The following TRAP1 variants were observed in gnomAD, a reference collection of about 807,000 sequenced individuals.
The protein encoded by TRAP1 is TNF receptor associated protein 1.
A neutral mutation model predicts 89.1 loss-of-function variants in TRAP1; 102 were observed. That is an observed-to-expected ratio of 1.15 (90% confidence interval 0.98 to 1.35). The LOEUF is 1.35. Among genes scored for constraint, TRAP1 ranks in the 40% most tolerant of loss-of-function variants. The pLI, the probability that TRAP1 is intolerant of heterozygous loss-of-function variation, is 0.00. For synonymous variants in TRAP1, 508 were observed against 388.0 expected (o/e 1.31, Z -3.64); for missense variants, 1,256 against 945.3 (o/e 1.33, Z -4.31).
intron 10 of TRAP1, among the ~76,000 whole-genome samples, chr16:3,672,162 C>A (rs563371780): frequency 1.3e-5 from 2 of 152,052 alleles, no homozygotes; most frequent in Admixed American, 6.6e-5. Context: ...ATGGTGAAAC[C>A]CCATCTCTAC....
At chr16:3,702,928 G>C (rs1182796489) in intron 1 of TRAP1, among the ~76,000 whole-genome samples, 2 of 150,648 alleles carry the variant, frequency 1.3e-5, no homozygotes, top group East Asian at 3.9e-4. Flanking sequence ...TGTAATCCCA[G>C]CTACTTGGGA....
Position 3,662,940 on chromosome 16 carries a change from G to T in TRAP1, c.1736C>A (p.Thr579Lys). Residue 579 changes from threonine to lysine, a missense_variant, in exon 15 of 18, where the codon ACG (threonine) becomes AAG (lysine). Thr to Lys is a moderately conservative substitution (Grantham distance 78). Transcript: ENST00000246957. ...TCTCATCCAGGCCATGAGCTCCTCCGTCTCCTTCTCTGATAGGCACTCGGC... is the reference window on the plus strand; with the variant it reads ...TCTCATCCAGGCCATGAGCTCCTCCTTCTCCTTCTCTGATAGGCACTCGGC... ...PAAECLSEKE[T>K]EELMAWMRNV... 6.2e-7 allele frequency: 1 copy of T among 1,612,400 alleles called. No homozygotes were observed. Among genetic ancestry groups the T allele is most frequent in the Non-Finnish European group, 8.5e-7 (1 of 1,179,970 alleles).
chr16:3,662,201 A>G, intron 15 of TRAP1, 69 bp from the exon 16 acceptor site: 4 of 1,552,434 alleles, frequency 2.6e-6, no homozygotes, highest in Non-Finnish European at 3.5e-6. Context: ...GGATCTTACC[A>G]GGGGTGAAGG....
intron 1 of TRAP1, among the ~76,000 whole-genome samples, chr16:3,700,218 A>C (rs2051346800): frequency 6.6e-6 from 1 of 151,222 alleles, no homozygotes; most frequent in Admixed American, 6.6e-5. Context: ...CCCAGGCTGG[A>C]GTGCAATGGC....
chr16:3,692,997 G>A (rs540259706), intron 1 of TRAP1, among the ~76,000 whole-genome samples: 1 of 151,034 alleles, frequency 6.6e-6, no homozygotes. Context: ...TCGCTCTGTC[G>A]CCCAGGCTGG....
chr16:3,661,979 G>T lies in TRAP1; in HGVS notation c.1940+8C>A. 1 of 1,596,430 alleles carries T rather than the reference G, an allele frequency of 6.3e-7. No homozygotes were observed. The highest frequency in any genetic ancestry group is 1.3e-5 in the African/African-American group (1 of 74,722). The stretch of plus-strand genomic sequence containing the variant: ...CACAGGCTGGAAGAGCCAGGAGCGT[G>T]GCCTCACCTGGGGTTGATCTCCAGC... On this transcript the variant is annotated splice_region_variant and intron_variant, in intron 16 of 17. Coordinates refer to ENST00000246957, the MANE Select transcript of TRAP1 (RefSeq NM_016292.3).
intron 1 of TRAP1, among the ~76,000 whole-genome samples, chr16:3,692,498 T>C (rs1455888568): frequency 6.8e-6 from 1 of 147,264 alleles, no homozygotes; most frequent in African/African-American, 2.5e-5. Context: ...ATCGTGCCGC[T>C]GCACTACAGG....
intron 5 of TRAP1, among the ~76,000 whole-genome samples, chr16:3,679,328 A>G (rs945883045): frequency 7.9e-5 from 12 of 152,168 alleles, no homozygotes; most frequent in African/African-American, 2.9e-4. Flanking sequence ...ATAAAAAACA[A>G]CACAATGATA....
intron 2 of TRAP1, chr16:3,689,849 A>C (rs2051189395): frequency 6.6e-6 from 1 of 152,362 alleles, no homozygotes; most frequent in South Asian, 2.1e-4. Flanking sequence ...AAAACAAAAC[A>C]AAACAAAAAG....
intron 11 of TRAP1, among the ~76,000 whole-genome samples, chr16:3,670,085 A>G (rs1050434823): frequency 6.6e-6 from 1 of 151,888 alleles, no homozygotes; most frequent in African/African-American, 2.4e-5. Context: ...ATTCAATTGC[A>G]TGAAAAACAA....
chr16:3,714,459 G>A (rs1314843932), intron 1 of TRAP1, among the ~76,000 whole-genome samples: 1 of 152,126 alleles, frequency 6.6e-6, no homozygotes, highest in Admixed American at 6.5e-5. Flanking sequence ...AGGAGTTCGA[G>A]ACCACCCTGG....
chr16:3,699,857 T>C (rs1169058965), intron 1 of TRAP1, among the ~76,000 whole-genome samples: 1 of 149,726 alleles, frequency 6.7e-6, no homozygotes, highest in Non-Finnish European at 1.5e-5. Flanking sequence ...TTTTTTTTCC[T>C]AGAGATAGGG....
intron 5 of TRAP1, among the ~76,000 whole-genome samples, chr16:3,679,379 T>C (rs2051043873): frequency 6.6e-6 from 1 of 152,214 alleles, no homozygotes; most frequent in African/African-American, 2.4e-5. Flanking sequence ...TATCTATATC[T>C]AGCATTTACA....
At chr16:3,702,710 A>G (rs932686422) in intron 1 of TRAP1, among the ~76,000 whole-genome samples, 6 of 151,208 alleles carry the variant, frequency 4.0e-5, no homozygotes, top group African/African-American at 1.5e-4. Flanking sequence ...ACACCACTGC[A>G]CTCTAGCCTG....
rs2050824513 is a variant in TRAP1, at chr16:3,666,113, A to C, written c.1241T>G (p.Leu414Arg). The change falls in exon 12 of 18, where the codon CTC becomes CGC. Residue 414 changes from leucine (L) to arginine (R), a missense_variant. Transcript: ENST00000246957. ...CAGCCTCTGCTGTAAAACGTCCCGGAGTTTCCTACAGAAAAGAAATGCATT... is the reference window on the plus strand; with the variant it reads ...CAGCCTCTGCTGTAAAACGTCCCGGCGTTTCCTACAGAAAAGAAATGCATT... ...LLQESALIRK[L>R]RDVLQQRLIK... 2 of 1,610,352 alleles carry C rather than the reference A, an allele frequency of 1.2e-6. No homozygotes were observed. Among genetic ancestry groups the C allele is most frequent in the African/African-American group, 2.7e-5 (2 of 74,538 alleles).
chr16:3,674,415 T>C lies in TRAP1; in HGVS notation c.968A>G (p.Asp323Gly), dbSNP rs2050958670. 6.2e-7 allele frequency: 1 copy of C among 1,613,980 alleles called. No individual in the cohort carries two copies. The highest frequency in any genetic ancestry group is 1.3e-5 in the African/African-American group (1 of 74,930). ...EFYRYVAQAHDKPRYTLHYKT... is the reference protein window; with the variant it reads ...EFYRYVAQAHGKPRYTLHYKT... The stretch of plus-strand genomic sequence containing the variant: ...ATAGTGCAGGGTGTAGCGGGGCTTG[T>C]CGTGAGCCTGCGCGACGTAGCGGTA... Residue 323 changes from aspartate to glycine, a missense_variant, in exon 9 of 18, where the codon GAC becomes GGC. Transcript: ENST00000246957.
chr16:3,661,939 G>A (rs1567219970), intron 16 of TRAP1, 48 bp downstream of exon 16: 5 of 1,541,448 alleles, frequency 3.2e-6, no homozygotes, highest in Non-Finnish European at 3.5e-6. Flanking sequence ...CCACACACAG[G>A]ATTCTGGGGA....
chr16:3,661,928 A>G, intron 16 of TRAP1, 59 bp downstream of exon 16: 1 of 1,519,100 alleles, frequency 6.6e-7, no homozygotes, highest in Non-Finnish European at 8.8e-7. Context: ...ACAAAAGAAC[A>G]CCACACACAG....
intron 1 of TRAP1, among the ~76,000 whole-genome samples, chr16:3,699,688 G>A (rs966218821): frequency 6.8e-6 from 1 of 147,870 alleles, no homozygotes; most frequent in African/African-American, 2.5e-5. Context: ...TTCTTTCTTA[G>A]AAAAGAGATT....
Sources: allele counts gnomAD v4.1 joint callset (sites outside exome capture counted in the v4.1 genomes callset), GRCh38; gene constraint gnomAD v4.1.1; transcripts MANE v1.5; gene names NCBI Gene and HGNC (gene_info 2026-07-23, HGNC 2026-07-21).